Variants in TWSG1 observed in about 807,000 individuals in gnomAD.
TWSG1 encodes twisted gastrulation BMP signaling modulator 1, also known as twisted gastrulation protein homolog 1.
A neutral mutation model predicts 23.0 loss-of-function variants in TWSG1; 15 were observed. That is an observed-to-expected ratio of 0.65 (90% CI 0.44 to 1.00). TWSG1 has a LOEUF of 1.00. TWSG1 is among the 50% of genes least tolerant of loss of function. The pLI is 0.00. For missense variants in TWSG1, 242 were observed against 278.7 expected, an observed-to-expected ratio of 0.87 and a Z score of 0.94; for synonymous variants, 86 against 92.8, an observed-to-expected ratio of 0.93 and a Z score of 0.42.
chr18:9,358,061 A>C (rs929110822), intron 2 of TWSG1, among the ~76,000 whole-genome samples: 1 of 152,214 alleles, frequency 6.6e-6, no homozygotes, highest in African/African-American at 2.4e-5. Flanking sequence ...TGATATGAAT[A>C]TATCAATGAA....
At chr18:9,350,832 GC>G (rs1224770406) in intron 2 of TWSG1, among the ~76,000 whole-genome samples, 1 of 152,116 alleles carries the variant, frequency 6.6e-6, no homozygotes, top group Non-Finnish European at 1.5e-5. Flanking sequence ...TTCATGTGAT[GC>G]CCTCCTTAAA....
intron 4 of TWSG1, among the ~76,000 whole-genome samples, chr18:9,397,793 G>C (rs1433680089): frequency 6.6e-6 from 1 of 152,036 alleles, no homozygotes; most frequent in Non-Finnish European, 1.5e-5. Flanking sequence ...ATCACCTGAG[G>C]TCGGGAGTTT....
chr18:9,336,703 G>A (rs983809082), intron 1 of TWSG1, among the ~76,000 whole-genome samples: 19 of 152,154 alleles, frequency 1.2e-4, no homozygotes, highest in African/African-American at 4.6e-4. Context: ...GTGCAGTATT[G>A]AAGCTAGTTA....
intron 2 of TWSG1, among the ~76,000 whole-genome samples, chr18:9,344,517 G>GTGTGTGTGTGTGTGTGTGTGTGTGTGTA (rs1555650744): frequency 9.5e-6 from 1 of 105,760 alleles, no homozygotes; most frequent in Non-Finnish European, 1.8e-5. Context: ...GTGTGTGTGT[G>GTGTGTGTGTGTGTGTGTGTGTGTGTGTA]TGTGTATGTA....
At chr18:9,372,966 G>C (rs999582149) in intron 3 of TWSG1, among the ~76,000 whole-genome samples, 4 of 152,266 alleles carry the variant, frequency 2.6e-5, no homozygotes, top group Middle Eastern at 3.4e-3. Flanking sequence ...GAGATTGTTA[G>C]AGTGGATCAA....
chr18:9,396,394 A>C lies in TWSG1; in HGVS notation c.338A>C (p.Gln113Pro). The change falls in exon 4 of 5, where the codon CAG (glutamine) becomes CCG (proline). Residue 113 changes from glutamine (Q) to proline (P), a missense_variant. By Grantham distance (76) the Gln-to-Pro change is moderately conservative. Coordinates refer to ENST00000262120, the MANE Select transcript of TWSG1 (RefSeq NM_020648.6). ...LFRALTEGDT[Q>P]LNWNIVSFPV... ...CGGGCACTCACAGAAGGAGATACTCAGTTGAATTGGAACATCGTTTCTTTC... is the reference window on the plus strand; with the variant it reads ...CGGGCACTCACAGAAGGAGATACTCCGTTGAATTGGAACATCGTTTCTTTC... The C allele has an allele frequency of 6.2e-7, 1 of 1,614,164 alleles. No individual in the cohort carries two copies. Among genetic ancestry groups the C allele is most frequent in the Admixed American group, 1.7e-5 (1 of 60,014 alleles).
At chr18:9,359,133 T>G (rs998424045) in intron 2 of TWSG1, among the ~76,000 whole-genome samples, 4 of 152,112 alleles carry the variant, frequency 2.6e-5, no homozygotes, top group African/African-American at 9.7e-5. Flanking sequence ...GTTGACAGTT[T>G]GAGCCTGGAT....
In TWSG1 at chr18:9,401,341, C is replaced by G. The variant is rs2040761637; in HGVS notation, c.*1814C>G. On this transcript the variant is annotated 3_prime_UTR_variant, in exon 5 of 5. Transcript: ENST00000262120. ...GAATCTGCAGTCTCCTGCTGCAGTT[C>G]AACTCTGCTGTTTTTCAGTCATTTC... 6.6e-6 allele frequency: 1 copy of G among 151,908 alleles called. No homozygotes were observed. Among genetic ancestry groups the G allele is most frequent in the Non-Finnish European group, 1.5e-5 (1 of 67,988 alleles). The allele number at this position is 151,908 out of a possible 1,614,324, so 9.4% of individuals were successfully genotyped here. A position where few individuals can be genotyped will look rare whatever the true frequency, so the allele number is the denominator to read the frequency against.
intron 3 of TWSG1, among the ~76,000 whole-genome samples, chr18:9,361,689 A>T (rs1299435087): frequency 2.0e-5 from 3 of 152,196 alleles, no homozygotes; most frequent in African/African-American, 4.8e-5. Flanking sequence ...GTCACAGTAA[A>T]CAGTAAGCAT....
At chr18:9,340,709 G>A (rs1307632735) in intron 2 of TWSG1, among the ~76,000 whole-genome samples, 1 of 152,168 alleles carries the variant, frequency 6.6e-6, no homozygotes, top group East Asian at 1.9e-4. Context: ...AGGTGGTGGG[G>A]GTGGAATTAT....
chr18:9,337,763 T>G (rs1005721466), intron 2 of TWSG1, among the ~76,000 whole-genome samples: 3 of 152,176 alleles, frequency 2.0e-5, no homozygotes, highest in African/African-American at 7.2e-5. Context: ...TGTAACAAAT[T>G]ACCCCAAAAC....
chr18:9,354,788 G>C (rs1371452436), intron 2 of TWSG1, among the ~76,000 whole-genome samples: 1 of 152,008 alleles, frequency 6.6e-6, no homozygotes, highest in Non-Finnish European at 1.5e-5. Context: ...TTACCAAAGG[G>C]GGAGGAATTT....
chr18:9,396,823 G>A (rs368649037), intron 4 of TWSG1: 7 of 502,246 alleles, frequency 1.4e-5, no homozygotes, highest in African/African-American at 1.4e-4. Flanking sequence ...CACTTTGGGA[G>A]GCCGAGGCAG....
chr18:9,354,800 G>A (rs2040517416), intron 2 of TWSG1, among the ~76,000 whole-genome samples: 1 of 152,008 alleles, frequency 6.6e-6, no homozygotes, highest in Admixed American at 6.6e-5. Context: ...GAGGAATTTA[G>A]GGTTCTTTCT....
intron 3 of TWSG1, among the ~76,000 whole-genome samples, chr18:9,386,693 G>A (rs1217964218): frequency 6.6e-6 from 1 of 152,086 alleles, no homozygotes; most frequent in Admixed American, 6.6e-5. Context: ...TCAGAATGCT[G>A]AGTGAGATGA....
chr18:9,373,484 A>C (rs1334140272), intron 3 of TWSG1, among the ~76,000 whole-genome samples: 1 of 152,204 alleles, frequency 6.6e-6, no homozygotes, highest in African/African-American at 2.4e-5. Context: ...CAGTGAGCTG[A>C]GATTGTGCAG....
At chr18:9,376,757 A>AGG (rs2040632038) in intron 3 of TWSG1, among the ~76,000 whole-genome samples, 1 of 149,910 alleles carries the variant, frequency 6.7e-6, no homozygotes, top group Non-Finnish European at 1.5e-5. Context: ...GCTTGAGCCT[A>AGG]AGAGGTGGAG....
intron 3 of TWSG1, among the ~76,000 whole-genome samples, chr18:9,386,441 G>A (rs1310649640): frequency 6.9e-6 from 1 of 144,998 alleles, no homozygotes; most frequent in Non-Finnish European, 1.5e-5. Context: ...GTGACAGAGC[G>A]AGACTCCATC....
intron 2 of TWSG1, among the ~76,000 whole-genome samples, chr18:9,354,853 G>T (rs772427073): frequency 3.5e-4 from 54 of 152,210 alleles, no homozygotes; most frequent in Non-Finnish European, 4.4e-4. Flanking sequence ...TATAATTAAA[G>T]AAATACTTTT....
Sources: gnomAD v4.1 joint callset for allele counts (sites outside exome capture counted in the v4.1 genomes callset) on GRCh38, gnomAD v4.1.1 for gene constraint, MANE v1.5 for transcripts, NCBI Gene and HGNC (gene_info 2026-07-23, HGNC 2026-07-21) for gene names.